The following SPATA6 variants were observed in gnomAD, a reference collection of about 807,000 sequenced individuals.
The protein encoded by SPATA6 is spermatogenesis-associated protein 6.
In SPATA6, 56 loss-of-function variants were observed where a neutral mutation model predicts 65.3. That is an observed-to-expected ratio of 0.86 (90% confidence interval 0.69 to 1.07). The LOEUF is 1.07. Ranked by LOEUF, SPATA6 falls within the 50% of genes least tolerant of loss-of-function variation. The probability of loss-of-function intolerance (pLI) is 0.00; values close to 1 mark genes in which losing one functional copy is unlikely to be tolerated. For missense variants in SPATA6, 590 were observed against 594.8 expected (o/e 0.99, Z 0.08); for synonymous variants, 199 against 213.2 (o/e 0.93, Z 0.58).
chr1:48,339,816 G>C (rs1353096893), intron 11 of SPATA6, among the ~76,000 whole-genome samples: 1 of 151,872 alleles, frequency 6.6e-6, no homozygotes, highest in Non-Finnish European at 1.5e-5. Context: ...CACCCGAAGA[G>C]TAAGAAATAA....
At chr1:48,352,425 C>T (rs1384645549) in intron 11 of SPATA6, among the ~76,000 whole-genome samples, 1 of 152,004 alleles carries the variant, frequency 6.6e-6, no homozygotes, top group Non-Finnish European at 1.5e-5. Context: ...TCATGAAAAG[C>T]TTTCATCAAA....
At chr1:48,343,880 C>A (rs1462286051) in intron 11 of SPATA6, among the ~76,000 whole-genome samples, 3 of 151,900 alleles carry the variant, frequency 2.0e-5, no homozygotes, top group Non-Finnish European at 2.9e-5. Flanking sequence ...TTGAAGTTAC[C>A]ATCAAAGGAA....
chr1:48,279,230 C>T, the SPATA6 span, among the ~76,000 whole-genome samples: 23 of 152,204 alleles, frequency 1.5e-4, no homozygotes, highest in African/African-American at 5.5e-4. Context: ...CAAAAACATG[C>T]CAAATTGTAA....
At chr1:48,471,152 G>GC (rs764706594) in intron 1 of SPATA6, among the ~76,000 whole-genome samples, 64 of 152,194 alleles carry the variant, frequency 4.2e-4, no homozygotes, top group Non-Finnish European at 8.1e-4. Context: ...GAGAGGTCCA[G>GC]CCCCTTCACT....
chr1:48,297,069 C>A lies in SPATA6; in HGVS notation c.*1644G>T, dbSNP rs931626115. 6.6e-6 allele frequency: 1 copy of A among 151,436 alleles called. No individual in the cohort carries two copies. The highest frequency in any genetic ancestry group is 2.4e-5 in the African/African-American group (1 of 41,128). 9.4% of individuals were successfully genotyped at this position (151,436 alleles called of 1,614,324 possible). The stretch of plus-strand genomic sequence containing the variant: ...ACAGCCCCAGTTTACAGGCGCTATT[C>A]CAGCATTAATATCATCTCTTTTTAC... On this transcript the variant is annotated 3_prime_UTR_variant, in exon 13 of 13. Transcript: ENST00000371847.
At chr1:48,461,463 T>C (rs539357260) in intron 1 of SPATA6, among the ~76,000 whole-genome samples, 7 of 152,342 alleles carry the variant, frequency 4.6e-5, no homozygotes, top group Admixed American at 2.0e-4. Context: ...AGGGTTTTTA[T>C]GGTTTTAGGT....
chr1:48,419,166 C>T (rs1653086612), intron 3 of SPATA6, among the ~76,000 whole-genome samples: 1 of 152,130 alleles, frequency 6.6e-6, no homozygotes, highest in African/African-American at 2.4e-5. Context: ...CTTCTATTAG[C>T]TTCAAACAAA....
the SPATA6 span, among the ~76,000 whole-genome samples, chr1:48,285,144 G>A: frequency 6.6e-6 from 1 of 152,138 alleles, no homozygotes; most frequent in South Asian, 2.1e-4. Context: ...GGAGGAATCT[G>A]GAGAGGCACT....
At chr1:48,378,027 G>A (rs751146265) in intron 9 of SPATA6, among the ~76,000 whole-genome samples, 36 of 152,182 alleles carry the variant, frequency 2.4e-4, no homozygotes, top group Non-Finnish European at 3.5e-4. Flanking sequence ...AGCCAAAGCC[G>A]TAAGATGGGT....
intron 11 of SPATA6, among the ~76,000 whole-genome samples, chr1:48,337,476 C>A (rs537609342): frequency 6.6e-6 from 1 of 151,844 alleles, no homozygotes; most frequent in South Asian, 2.1e-4. Flanking sequence ...AAGAAACTGT[C>A]TATCACCACT....
At chr1:48,359,860 CA>C in intron 9 of SPATA6, 90 bp from the exon 10 acceptor site, 43 of 946,858 alleles carry the variant, frequency 4.5e-5, no homozygotes, top group Non-Finnish European at 5.7e-5. Context: ...GCATAGTAGT[CA>C]TATGCATGTG....
chr1:48,451,635 A>C, intron 2 of SPATA6, 35 bp from the exon 3 acceptor site: 1 of 1,583,334 alleles, frequency 6.3e-7, no homozygotes. Flanking sequence ...GGCAGGAAGG[A>C]AGATATATAT....
At chr1:48,380,181 G>C (rs188093497) in intron 9 of SPATA6, among the ~76,000 whole-genome samples, 1 of 152,198 alleles carries the variant, frequency 6.6e-6, no homozygotes, top group African/African-American at 2.4e-5. Context: ...AATGTTCTGT[G>C]AGCACTCCTG....
chr1:48,290,595 G>C (rs1329304437), downstream of SPATA6, among the ~76,000 whole-genome samples: 1 of 152,096 alleles, frequency 6.6e-6, no homozygotes. Flanking sequence ...CTGTATTCAG[G>C]AGACCCATCT....
At chr1:48,429,433 T>C (rs1654196701) in intron 3 of SPATA6, among the ~76,000 whole-genome samples, 2 of 152,134 alleles carry the variant, frequency 1.3e-5, no homozygotes, top group South Asian at 4.1e-4. Context: ...TACTTTAGGC[T>C]GATCTTCAAC....
At chr1:48,397,101 G>C (rs1315449280) in intron 7 of SPATA6, among the ~76,000 whole-genome samples, 1 of 151,568 alleles carries the variant, frequency 6.6e-6, no homozygotes. Flanking sequence ...AAAAAAGCCA[G>C]ACACAAAAGG....
intron 9 of SPATA6, among the ~76,000 whole-genome samples, chr1:48,368,528 G>A (rs892484099): frequency 3.5e-4 from 53 of 152,044 alleles, no homozygotes; most frequent in South Asian, 1.0e-3. Context: ...TCCCCTTCTC[G>A]CTTCATTTCA....
chr1:48,425,533 T>C (rs1653756758), intron 3 of SPATA6, among the ~76,000 whole-genome samples: 1 of 152,120 alleles, frequency 6.6e-6, no homozygotes, highest in African/African-American at 2.4e-5. Flanking sequence ...AAGAATAAAC[T>C]TGGAGGCTTA....
At chr1:48,435,719 G>GC (rs892706958) in intron 3 of SPATA6, among the ~76,000 whole-genome samples, 16 of 152,052 alleles carry the variant, frequency 1.1e-4, no homozygotes, top group African/African-American at 3.9e-4. Context: ...CAAGCCCACG[G>GC]CCCCGGTCGC....
Sources: allele counts gnomAD v4.1 joint callset (sites outside exome capture counted in the v4.1 genomes callset), GRCh38; gene constraint gnomAD v4.1.1; transcripts MANE v1.5; gene names NCBI Gene and HGNC (gene_info 2026-07-23, HGNC 2026-07-21).